KLHL4: variants seen among roughly 807,000 people sequenced by gnomAD.
The protein encoded by KLHL4 is kelch like family member 4.
KLHL4 carries 17 observed loss-of-function variants against 45.8 expected under a neutral mutation model. The observed-to-expected ratio is 0.37, with a 90% CI of 0.25 to 0.56. The LOEUF (loss-of-function observed/expected upper bound fraction) is 0.56, where lower values mean the gene tolerates loss of function less well. Ranked by LOEUF, KLHL4 falls within the 20% of genes least tolerant of loss-of-function variation. KLHL4 has a pLI of 0.79. For missense variants in KLHL4, 544 were observed against 544.9 expected (o/e 1.00, Z 0.02); for synonymous variants, 224 against 189.9 (o/e 1.18, Z -1.47).
chrX:87,668,111 G>A lies in KLHL4; in HGVS notation c.*1577G>A. The A allele has an allele frequency of 1.3e-6, 1 of 752,407 alleles. No homozygotes were observed. The highest frequency in any genetic ancestry group is 1.6e-6 in the Non-Finnish European group (1 of 637,574). 62.0% of individuals were successfully genotyped at this position (752,407 alleles called of 1,213,427 possible). On this transcript the variant is annotated 3_prime_UTR_variant, in exon 11 of 11. Coordinates refer to ENST00000373119, the MANE Select transcript of KLHL4 (RefSeq NM_019117.5). ...GCTATAGATTTCTGCAGTTCTAGAG[G>A]TGAAGATAGAGACATAGAGAGGCTG...
chrX:87,579,892 A>C (rs961128057), intron 1 of KLHL4, among the ~76,000 whole-genome samples: 6 of 112,365 alleles, frequency 5.3e-5, no homozygotes, highest in African/African-American at 1.9e-4. Context: ...GGAAAGTATG[A>C]AACTCATTGG....
At chrX:87,614,850 A>G (rs1177586609) in intron 3 of KLHL4, among the ~76,000 whole-genome samples, 3 of 111,153 alleles carry the variant, frequency 2.7e-5, no homozygotes, top group Non-Finnish European at 5.7e-5. Flanking sequence ...GCAGACAACT[A>G]TTTAACACAA....
At chrX:87,549,847 A>G (rs919619391) in intron 1 of KLHL4, among the ~76,000 whole-genome samples, 3 of 111,260 alleles carry the variant, frequency 2.7e-5, no homozygotes, top group African/African-American at 9.8e-5. Flanking sequence ...CAATCTAAAG[A>G]TGCATCTTGA....
At chrX:87,638,729 A>T (rs181150833) in intron 9 of KLHL4, among the ~76,000 whole-genome samples, 2 of 111,827 alleles carry the variant, frequency 1.8e-5, no homozygotes, top group Non-Finnish European at 3.8e-5. Context: ...ATACAGAAAA[A>T]TAGAGTCTCC....
intron 1 of KLHL4, among the ~76,000 whole-genome samples, chrX:87,550,397 A>G (rs1931784972): frequency 9.0e-6 from 1 of 111,414 alleles, no homozygotes; most frequent in Non-Finnish European, 1.9e-5. Flanking sequence ...ACAGGACCAG[A>G]TGGATTCACA....
chrX:87,614,744 T>C, intron 3 of KLHL4, among the ~76,000 whole-genome samples, 174 bp downstream of exon 3: 1 of 110,864 alleles, frequency 9.0e-6, no homozygotes, highest in Middle Eastern at 4.2e-3. Context: ...TTAAATAAAT[T>C]TCCTAAAGTA....
intron 9 of KLHL4, among the ~76,000 whole-genome samples, chrX:87,643,853 C>A (rs769102927): frequency 2.7e-5 from 3 of 111,715 alleles, no homozygotes; most frequent in Admixed American, 9.5e-5. Flanking sequence ...ATCCAGCAAC[C>A]TTTATGATTA....
chrX:87,657,616 A>G (rs1924035745), intron 9 of KLHL4, among the ~76,000 whole-genome samples: 1 of 111,146 alleles, frequency 9.0e-6, no homozygotes, highest in South Asian at 3.8e-4. Flanking sequence ...AGCAGTTGTA[A>G]TGGGCTGTGC....
At chrX:87,519,264 G>A (rs1244903176) in intron 1 of KLHL4, among the ~76,000 whole-genome samples, 1 of 111,624 alleles carries the variant, frequency 9.0e-6, no homozygotes, top group East Asian at 2.8e-4. Context: ...ATGCATTTTA[G>A]ATCATATAGT....
intron 9 of KLHL4, among the ~76,000 whole-genome samples, chrX:87,651,921 A>G (rs1160172498): frequency 8.9e-6 from 1 of 112,667 alleles, no homozygotes; most frequent in Admixed American, 9.4e-5. Flanking sequence ...CTGCCCTAGC[A>G]GAGGTTCTCT....
intron 1 of KLHL4, among the ~76,000 whole-genome samples, chrX:87,536,298 A>G (rs1456435014): frequency 9.0e-6 from 1 of 111,308 alleles, no homozygotes; most frequent in Non-Finnish European, 1.9e-5. Flanking sequence ...TATAAAGCTG[A>G]TGATAAATAT....
At chrX:87,574,553 T>A (rs954937697) in intron 1 of KLHL4, among the ~76,000 whole-genome samples, 1 of 111,888 alleles carries the variant, frequency 8.9e-6, no homozygotes, top group Non-Finnish European at 1.9e-5. Flanking sequence ...AGAATTCACC[T>A]ATTTAAAGTG....
intron 1 of KLHL4, among the ~76,000 whole-genome samples, chrX:87,608,507 G>A (rs1233815942): frequency 9.1e-6 from 1 of 110,239 alleles, no homozygotes; most frequent in Non-Finnish European, 1.9e-5. Context: ...CCTTTACTAG[G>A]ATTTTATTAG....
chrX:87,567,253 G>T (rs1202033998), intron 1 of KLHL4, among the ~76,000 whole-genome samples: 1 of 110,822 alleles, frequency 9.0e-6, no homozygotes. Flanking sequence ...TCATTATGAT[G>T]CTCATTATGA....
chrX:87,565,623 G>A (rs57304030), intron 1 of KLHL4, among the ~76,000 whole-genome samples: 1 of 102,028 alleles, frequency 9.8e-6, no homozygotes, highest in African/African-American at 3.6e-5. Flanking sequence ...CTACTCTGGA[G>A]GCTGAGGCAC....
At chrX:87,585,838 A>T (rs1045556073) in intron 1 of KLHL4, among the ~76,000 whole-genome samples, 2 of 111,204 alleles carry the variant, frequency 1.8e-5, no homozygotes, top group Non-Finnish European at 3.8e-5. Flanking sequence ...TGGCTGAATG[A>T]ATAAAAAAGA....
intron 9 of KLHL4, among the ~76,000 whole-genome samples, chrX:87,658,853 G>A (rs889106211): frequency 9.0e-6 from 1 of 110,862 alleles, no homozygotes; most frequent in East Asian, 2.8e-4. Flanking sequence ...AAATTTATTA[G>A]TCATCTCATT....
At chrX:87,623,334 G>T (rs1602449875) in intron 5 of KLHL4, among the ~76,000 whole-genome samples, 1 of 69,108 alleles carries the variant, frequency 1.4e-5, no homozygotes, top group African/African-American at 6.0e-5. Context: ...TTGCTCTGTT[G>T]CCAGGCTGGA....
chrX:87,668,460 CG>C lies in KLHL4; in HGVS notation c.*1930del. ...TCATAGAAGAGACATGTATGTTTCC[CG>C]GGGCTACCCCTTCATAGCTGCATTT... is the stretch of plus-strand genomic sequence containing the variant. On this transcript the variant is annotated 3_prime_UTR_variant, in exon 11 of 11. Transcript: ENST00000373119. The C allele has an allele frequency of 5.3e-6, 4 of 753,011 alleles. No homozygotes were observed. The highest frequency in any genetic ancestry group is 6.3e-6 in the Non-Finnish European group (4 of 638,207). 62.1% of individuals were successfully genotyped at this position (753,011 alleles called of 1,213,427 possible).
Sources: allele counts gnomAD v4.1 joint callset (sites outside exome capture counted in the v4.1 genomes callset), GRCh38; gene constraint gnomAD v4.1.1; transcripts MANE v1.5; gene names NCBI Gene and HGNC (gene_info 2026-07-23, HGNC 2026-07-21).